Variants in SPATA16 observed in about 807,000 individuals in gnomAD.
SPATA16 encodes spermatogenesis associated 16.
In SPATA16, 36 loss-of-function variants were observed where a neutral mutation model predicts 63.3. That is an observed-to-expected ratio of 0.57 (90% CI 0.44 to 0.75). The LOEUF (loss-of-function observed/expected upper bound fraction) is 0.75, where lower values mean the gene tolerates loss of function less well. Among genes scored for constraint, SPATA16 ranks in the 30% least tolerant of loss-of-function variants. SPATA16 has a pLI of 0.00. For synonymous variants in SPATA16, 203 were observed against 216.7 expected (o/e 0.94, Z 0.56); for missense variants, 646 against 679.3 (o/e 0.95, Z 0.54).
At chr3:173,030,056 T>C (rs1735565233) in intron 3 of SPATA16, among the ~76,000 whole-genome samples, 1 of 107,064 alleles carries the variant, frequency 9.3e-6, no homozygotes, top group Non-Finnish European at 1.9e-5. Context: ...GTGGTTACTT[T>C]ACTATCTATC....
At chr3:172,967,617 G>A (rs1220827730) in intron 5 of SPATA16, among the ~76,000 whole-genome samples, 2 of 152,188 alleles carry the variant, frequency 1.3e-5, no homozygotes, top group African/African-American at 4.8e-5. Flanking sequence ...TGAGTGGCGG[G>A]CCAGTAAGAA....
In SPATA16 at chr3:172,932,654, A is replaced by C. The variant is rs1732898216; in HGVS notation, c.1082-7162T>G. On this transcript the variant is annotated intron_variant, in intron 6 of 10. Transcript: ENST00000351008. Reference sequence around the variant, plus strand: ...AAAATAGCAAAAGGTGGCAACTTTGAAGCAAAGTTGTTATTATTATTGCCC... The same window carrying C: ...AAAATAGCAAAAGGTGGCAACTTTGCAGCAAAGTTGTTATTATTATTGCCC... 2.0e-5 allele frequency among the ~76,000 whole-genome samples: 3 copies of C among 152,176 alleles called. No homozygotes were observed. In the South Asian group the frequency reaches 6.2e-4, roughly 32 times the overall value.
intron 1 of SPATA16, among the ~76,000 whole-genome samples, chr3:173,134,250 C>G (rs1158291661): frequency 6.6e-6 from 1 of 152,076 alleles, no homozygotes; most frequent in Non-Finnish European, 1.5e-5. Flanking sequence ...CCTAAAAGTT[C>G]ATGTGTTGGA....
intron 3 of SPATA16, among the ~76,000 whole-genome samples, chr3:173,023,818 T>A (rs191788009): frequency 1.2e-3 from 188 of 151,772 alleles, no homozygotes; most frequent in Non-Finnish European, 2.0e-3. Flanking sequence ...TGAGAATATA[T>A]GTCAATATGT....
chr3:172,903,378 A>G (rs528556737), intron 10 of SPATA16, among the ~76,000 whole-genome samples: 1 of 152,334 alleles, frequency 6.6e-6, no homozygotes, highest in African/African-American at 2.4e-5. Context: ...AGCATTTCCA[A>G]TTTCTGTTTT....
chr3:172,948,758 C>T (rs1377798565), intron 6 of SPATA16, among the ~76,000 whole-genome samples: 5 of 152,148 alleles, frequency 3.3e-5, no homozygotes, highest in East Asian at 3.9e-4. Flanking sequence ...TGAGCCACCA[C>T]GCCTAGCCAA....
intron 2 of SPATA16, among the ~76,000 whole-genome samples, chr3:173,099,817 CT>C (rs1737447619): frequency 1.3e-5 from 2 of 152,194 alleles, no homozygotes; most frequent in Non-Finnish European, 1.5e-5. Flanking sequence ...TCAGCATGCG[CT>C]TATGGAGAGG....
At chr3:172,920,971 T>G (rs1453062905) in intron 8 of SPATA16, among the ~76,000 whole-genome samples, 2 of 152,170 alleles carry the variant, frequency 1.3e-5, no homozygotes, top group Non-Finnish European at 2.9e-5. Context: ...TAAATAACTT[T>G]GTCCAAATGA....
chr3:172,928,548 T>C (rs1055164781), intron 6 of SPATA16, among the ~76,000 whole-genome samples: 2 of 152,192 alleles, frequency 1.3e-5, no homozygotes, highest in African/African-American at 4.8e-5. Flanking sequence ...GACCCCCTTA[T>C]GTAGATAGAT....
chr3:173,079,078 C>T (rs943147869), intron 2 of SPATA16, among the ~76,000 whole-genome samples: 6 of 152,160 alleles, frequency 3.9e-5, no homozygotes, highest in African/African-American at 1.4e-4. Flanking sequence ...TCTGTCAAGT[C>T]ACCCTGAAAA....
chr3:173,030,318 C>T (rs543600321), intron 3 of SPATA16, among the ~76,000 whole-genome samples: 1 of 152,090 alleles, frequency 6.6e-6, no homozygotes, highest in African/African-American at 2.4e-5. Flanking sequence ...AAAATATTTG[C>T]AAATCTTATA....
intron 5 of SPATA16, among the ~76,000 whole-genome samples, chr3:172,974,732 A>C (rs966168517): frequency 6.6e-6 from 1 of 152,104 alleles, no homozygotes; most frequent in Non-Finnish European, 1.5e-5. Context: ...CATTTTGGAT[A>C]TGCCTAAGAT....
intron 3 of SPATA16, among the ~76,000 whole-genome samples, chr3:173,028,285 A>G (rs1735514259): frequency 6.6e-6 from 1 of 151,724 alleles, no homozygotes; most frequent in Admixed American, 6.6e-5. Context: ...TTTTAATTTC[A>G]GCGAATCATG....
chr3:172,978,122 T>G (rs1050944818), intron 4 of SPATA16, among the ~76,000 whole-genome samples: 1 of 149,302 alleles, frequency 6.7e-6, no homozygotes, highest in Non-Finnish European at 1.5e-5. Context: ...ATTATTCAGC[T>G]CTCTCTCTCT....
intron 10 of SPATA16, among the ~76,000 whole-genome samples, chr3:172,894,848 G>T (rs1043029516): frequency 6.6e-6 from 1 of 152,314 alleles, no homozygotes; most frequent in Non-Finnish European, 1.5e-5. Flanking sequence ...AACCAGAAAA[G>T]GGGCCTTCAG....
intron 4 of SPATA16, among the ~76,000 whole-genome samples, chr3:173,007,264 C>T (rs1290864530): frequency 6.6e-6 from 1 of 152,134 alleles, no homozygotes; most frequent in African/African-American, 2.4e-5. Flanking sequence ...ATGCTAATCT[C>T]TGTGGAGCAA....
At chr3:173,119,977 C>T (rs1288878760) in intron 1 of SPATA16, among the ~76,000 whole-genome samples, 2 of 151,964 alleles carry the variant, frequency 1.3e-5, no homozygotes, top group Non-Finnish European at 2.9e-5. Flanking sequence ...GTCCCAATTA[C>T]TCTGGAGGCT....
At chr3:172,899,216 A>G (rs964890532) in intron 10 of SPATA16, among the ~76,000 whole-genome samples, 1 of 151,980 alleles carries the variant, frequency 6.6e-6, no homozygotes, top group Non-Finnish European at 1.5e-5. Context: ...TCAATTGTTG[A>G]GAAAGGGAAG....
At chr3:172,919,011 CTTA>C (rs1490903849) in intron 8 of SPATA16, among the ~76,000 whole-genome samples, 1 of 152,156 alleles carries the variant, frequency 6.6e-6, no homozygotes, top group African/African-American at 2.4e-5. Flanking sequence ...GTAGGAAACA[CTTA>C]TTATTGTTCA....
Sources: allele counts gnomAD v4.1 joint callset (sites outside exome capture counted in the v4.1 genomes callset), GRCh38; gene constraint gnomAD v4.1.1; transcripts MANE v1.5; gene names NCBI Gene and HGNC (gene_info 2026-07-23, HGNC 2026-07-21).